The following LRCH3 variants were observed in gnomAD, a reference collection of about 807,000 sequenced individuals.
LRCH3 encodes DISP complex protein LRCH3.
A neutral mutation model predicts 104.5 loss-of-function variants in LRCH3; 68 were observed. That is an observed-to-expected ratio of 0.65 (90% CI 0.54 to 0.80). LRCH3 has a LOEUF of 0.80. Among genes scored for constraint, LRCH3 ranks in the 30% least tolerant of loss-of-function variants. The probability of loss-of-function intolerance (pLI) is 0.00; values close to 1 mark genes in which losing one functional copy is unlikely to be tolerated. For synonymous variants in LRCH3, 344 were observed against 361.3 expected (o/e 0.95, Z 0.54); for missense variants, 951 against 953.9 (o/e 1.00, Z 0.04).
chr3:197,817,257 G>A lies in LRCH3; in HGVS notation c.489G>A (p.Val163=). ...TAATTGCTAGTAATAACAAATTGGTGTCACTTCCAGAAGAAATTGGACACC... is the reference window on the plus strand; with the variant it reads ...TAATTGCTAGTAATAACAAATTGGTATCACTTCCAGAAGAAATTGGACACC... ...KVLIASNNKL[V]SLPEEIGHLR... Residue 163 remains valine (V), a synonymous_variant, in exon 3 of 21, where the codon GTG becomes GTA. Transcript: ENST00000425562. 6.2e-7 allele frequency: 1 copy of A among 1,611,004 alleles called. No homozygotes were observed. The highest frequency in any genetic ancestry group is 8.5e-7 in the Non-Finnish European group (1 of 1,178,776).
chr3:197,841,661 AG>A (rs1398243028), intron 10 of LRCH3, among the ~76,000 whole-genome samples: 9 of 152,078 alleles, frequency 5.9e-5, no homozygotes, highest in African/African-American at 2.2e-4. Flanking sequence ...TTCTTTTTGA[AG>A]GTCTGTGGAT....
intron 1 of LRCH3, among the ~76,000 whole-genome samples, chr3:197,797,859 C>CAA (rs749696923): frequency 9.1e-4 from 21 of 23,184 alleles, no homozygotes; most frequent in Admixed American, 1.8e-3. Context: ...GACTCCATCT[C>CAA]AAAAAAAAAA....
intron 2 of LRCH3, among the ~76,000 whole-genome samples, chr3:197,816,933 T>C (rs1486153085): frequency 1.3e-5 from 2 of 152,134 alleles, no homozygotes; most frequent in Non-Finnish European, 2.9e-5. Context: ...ATAAGATAGG[T>C]AGGGAGATAC....
At position 197,865,711 on chromosome 3, in the gene LRCH3, G is replaced by A. The variant is rs186469156; in HGVS notation, c.1765+240G>A. On this transcript the variant is annotated intron_variant, in intron 16 of 20. Transcript: ENST00000425562. ...AGATTTTCCTAAATTACTTGTTAGA[G>A]AGCTGTGGCTGCTTTTTCTGAGATA... Among the ~76,000 whole-genome samples, 780 of 151,366 alleles carry A rather than the reference G, an allele frequency of 5.2e-3. 7 individuals carry two copies. Among genetic ancestry groups the A allele is most frequent in the African/African-American group, 0.017 (712 of 41,286 alleles).
chr3:197,875,570 C>G, intron 19 of LRCH3, 128 bp from the exon 20 acceptor site: 1 of 634,702 alleles, frequency 1.6e-6, no homozygotes, highest in Non-Finnish European at 2.7e-6. Flanking sequence ...GGGAGGATCA[C>G]CTGAGCCTGG....
chr3:197,797,618 T>C (rs913238296), intron 1 of LRCH3, among the ~76,000 whole-genome samples: 6 of 151,986 alleles, frequency 3.9e-5, no homozygotes, highest in African/African-American at 1.4e-4. Context: ...CCCAGCACTT[T>C]GGGAGGCCGA....
intron 15 of LRCH3, among the ~76,000 whole-genome samples, chr3:197,862,078 C>G (rs527828376): frequency 1.3e-5 from 2 of 152,258 alleles, no homozygotes; most frequent in East Asian, 3.9e-4. Flanking sequence ...CACTACAAAC[C>G]TCTGCCTCCC....
intron 20 of LRCH3, among the ~76,000 whole-genome samples, chr3:197,880,078 T>C (rs542220804): frequency 8.5e-4 from 129 of 151,250 alleles, no homozygotes; most frequent in African/African-American, 2.8e-3. Flanking sequence ...CCCGAGTAGC[T>C]GGGACTACAG....
chr3:197,878,465 A>C (rs56337553), intron 20 of LRCH3, among the ~76,000 whole-genome samples: 41 of 152,122 alleles, frequency 2.7e-4, no homozygotes, highest in African/African-American at 9.9e-4. Flanking sequence ...GAAAAAAAAA[A>C]TACAGTTTTA....
intron 4 of LRCH3, among the ~76,000 whole-genome samples, chr3:197,824,071 CTTT>C (rs753577276): frequency 1.4e-5 from 2 of 146,380 alleles, no homozygotes; most frequent in Non-Finnish European, 1.5e-5. Context: ...ATGTTTTTTT[CTTT>C]TTTTTTTTGA....
intron 4 of LRCH3, among the ~76,000 whole-genome samples, chr3:197,822,290 A>G (rs190588913): frequency 8.3e-4 from 127 of 152,300 alleles, no homozygotes; most frequent in African/African-American, 2.9e-3. Context: ...TAGCAAAACC[A>G]AAATCATGAC....
rs558992709 is a variant in LRCH3 at position 197,814,267 on chromosome 3, T to G, written c.263-641T>G. 4.1e-3 allele frequency among the ~76,000 whole-genome samples: 623 copies of G among 152,288 alleles called. 3 individuals are homozygous for G. The highest frequency in any genetic ancestry group is 5.2e-3 in the Non-Finnish European group (355 of 68,026). On this transcript the variant is annotated intron_variant, in intron 1 of 20. Transcript: ENST00000425562. ...AGGCAGGAACAAAAGTGGAAACCCC[T>G]GATAAACCCGTAAGATCTCGTGAGA...
intron 20 of LRCH3, chr3:197,882,714 G>A (rs1713888787): frequency 1.0e-6 from 1 of 985,302 alleles, no homozygotes; most frequent in Non-Finnish European, 1.2e-6. Context: ...ACAAGAAAGG[G>A]TTAACCTAAC....
At chr3:197,870,483 A>G (rs1378512242) in intron 18 of LRCH3, among the ~76,000 whole-genome samples, 2 of 152,078 alleles carry the variant, frequency 1.3e-5, no homozygotes, top group African/African-American at 4.8e-5. Context: ...CTTCTGCCTC[A>G]GCCTCCTGAG....
At chr3:197,871,283 T>G (rs1712153956) in intron 18 of LRCH3, 42 bp from the exon 19 acceptor site, 1 of 1,480,762 alleles carries the variant, frequency 6.8e-7, no homozygotes, top group Admixed American at 1.7e-5. Context: ...TATATGTCAG[T>G]CTTTCTTCAA....
chr3:197,821,976 A>G (rs1220844135), intron 4 of LRCH3, among the ~76,000 whole-genome samples: 4 of 152,204 alleles, frequency 2.6e-5, no homozygotes, highest in African/African-American at 9.7e-5. Flanking sequence ...ACCTGGCCAC[A>G]ATACATGTTG....
At chr3:197,834,571 G>A (rs1008566283) in intron 8 of LRCH3, among the ~76,000 whole-genome samples, 3 of 152,080 alleles carry the variant, frequency 2.0e-5, no homozygotes, top group Non-Finnish European at 4.4e-5. Flanking sequence ...CTCTTGAGTT[G>A]ACTGTGTTCG....
chr3:197,867,128 T>G (rs1741579489), intron 17 of LRCH3, among the ~76,000 whole-genome samples: 2 of 152,076 alleles, frequency 1.3e-5, no homozygotes, highest in African/African-American at 2.4e-5. Context: ...AATACAAAAA[T>G]TAGCCGGGTG....
In LRCH3 at chr3:197,840,273, A is replaced by G. The variant is rs1274299334; in HGVS notation, c.1328+876A>G. On this transcript the variant is annotated intron_variant, in intron 10 of 20. Coordinates refer to ENST00000425562, the MANE Select transcript of LRCH3 (RefSeq NM_001365715.1). ...GCCAACGTGGTGAAACGCCGTCTCT[A>G]CTAAAAATACAAAAAATAGCTGGGT... 2.0e-5 allele frequency among the ~76,000 whole-genome samples: 3 copies of G among 152,164 alleles called. No homozygotes were observed. The East Asian group carries it at 5.8e-4, about 29-fold the overall frequency.
Sources: gnomAD v4.1 joint callset for allele counts (sites outside exome capture counted in the v4.1 genomes callset) on GRCh38, gnomAD v4.1.1 for gene constraint, MANE v1.5 for transcripts, NCBI Gene and HGNC (gene_info 2026-07-23, HGNC 2026-07-21) for gene names.